The following MAST2 variants were observed in gnomAD, a reference collection of about 807,000 sequenced individuals.
MAST2 encodes microtubule-associated serine/threonine-protein kinase 2.
A neutral mutation model predicts 147.4 loss-of-function variants in MAST2; 70 were observed. The ratio of observed to expected loss-of-function variants is 0.47; its 90% CI spans 0.39 to 0.58. The LOEUF (loss-of-function observed/expected upper bound fraction) is 0.58, where lower values mean the gene tolerates loss of function less well. Among genes scored for constraint, MAST2 ranks in the 20% least tolerant of loss-of-function variants. The pLI, the probability that MAST2 is intolerant of heterozygous loss-of-function variation, is 0.00. For synonymous variants in MAST2, 869 were observed against 896.8 expected, an observed-to-expected ratio of 0.97 and a Z score of 0.55; for missense variants, 2,080 against 2,302.3, an observed-to-expected ratio of 0.90 and a Z score of 1.98.
intron 5 of MAST2, among the ~76,000 whole-genome samples, chr1:45,980,829 C>T (rs757638783): frequency 6.6e-6 from 1 of 152,128 alleles, no homozygotes; most frequent in Non-Finnish European, 1.5e-5. Context: ...AGCTACCATG[C>T]TGGCCCAGAA....
intron 10 of MAST2, among the ~76,000 whole-genome samples, chr1:46,019,020 G>T (rs79772105): frequency 1.5e-4 from 23 of 152,134 alleles, no homozygotes; most frequent in Admixed American, 1.3e-3. Flanking sequence ...GCCTTCTGTC[G>T]TGCTTCTTTC....
chr1:45,994,884 G>GCTGGAGT (rs2149138343), intron 5 of MAST2, among the ~76,000 whole-genome samples: 1 of 151,352 alleles, frequency 6.6e-6, no homozygotes, highest in African/African-American at 2.4e-5. Flanking sequence ...TGTCACCCAG[G>GCTGGAGT]CTGGAGTACA....
chr1:45,955,512 G>C (rs1659531622), intron 4 of MAST2, among the ~76,000 whole-genome samples: 1 of 152,134 alleles, frequency 6.6e-6, no homozygotes, highest in African/African-American at 2.4e-5. Flanking sequence ...AGTGCTAGGA[G>C]AAAAATATAT....
chr1:45,823,975 TAAAG>T lies in MAST2; in HGVS notation c.178-453_178-450del, dbSNP rs1644715231. 3.3e-5 allele frequency among the ~76,000 whole-genome samples: 5 copies of T among 152,362 alleles called. No individual in the cohort carries two copies. The South Asian group carries it at 1.0e-3, about 32-fold the overall frequency. ...GTATTTAGCTCCTCTTATAGGCATA[TAAAG>T]AAAGCTCTAATATTAATTTTAGCAT... On this transcript the variant is annotated intron_variant, in intron 1 of 28. Transcript: ENST00000361297.
intron 1 of MAST2, among the ~76,000 whole-genome samples, chr1:45,817,740 G>C (rs903377100): frequency 3.3e-5 from 5 of 152,184 alleles, no homozygotes; most frequent in African/African-American, 1.2e-4. Flanking sequence ...AAGATGAATT[G>C]ATCAAGAATA....
chr1:45,928,932 G>A (rs562808109), intron 4 of MAST2, among the ~76,000 whole-genome samples: 33 of 151,856 alleles, frequency 2.2e-4, no homozygotes, highest in Non-Finnish European at 3.1e-4. Context: ...TCCTTCAGAG[G>A]TTTTTTTCTG....
intron 4 of MAST2, among the ~76,000 whole-genome samples, chr1:45,886,760 C>A (rs927076165): frequency 6.6e-6 from 1 of 152,144 alleles, no homozygotes; most frequent in African/African-American, 2.4e-5. Context: ...TTTTCTTGCC[C>A]AATGCTATAG....
At chr1:46,015,382 A>G (rs1645892898) in intron 10 of MAST2, among the ~76,000 whole-genome samples, 1 of 152,246 alleles carries the variant, frequency 6.6e-6, no homozygotes, top group Non-Finnish European at 1.5e-5. Context: ...TAATGAATCC[A>G]GGAGCTGGTT....
intron 4 of MAST2, among the ~76,000 whole-genome samples, chr1:45,956,513 T>C (rs932826506): frequency 6.6e-6 from 1 of 152,208 alleles, no homozygotes; most frequent in Non-Finnish European, 1.5e-5. Context: ...TCTTCCCTTG[T>C]TATGGTCTAT....
Position 46,032,257 on chromosome 1 carries a change from T to A in MAST2, c.3267T>A (p.Ser1089=). 2.5e-6 allele frequency: 4 copies of A among 1,614,194 alleles called. No individual in the cohort carries two copies. The highest frequency in any genetic ancestry group is 2.5e-6 in the Non-Finnish European group (3 of 1,180,032). ...CCAACCCATCATCCCGGGACTCTTC[T>A]CCAAGCAGGGACTTCTTGCCAGCCC... ...QSSNPSSRDS[S]PSRDFLPALG... is the part of the protein sequence containing the mutation. Residue 1089 remains serine, a synonymous_variant, in exon 25 of 29, where the codon TCT becomes TCA. Transcript: ENST00000361297.
intron 1 of MAST2, among the ~76,000 whole-genome samples, chr1:45,819,252 CAAAA>C (rs35652191): frequency 4.4e-5 from 5 of 112,830 alleles, no homozygotes; most frequent in East Asian, 2.3e-4. Flanking sequence ...AAGTCTGTCT[CAAAA>C]AAAAAAAAAA....
intron 4 of MAST2, among the ~76,000 whole-genome samples, chr1:45,931,829 C>T (rs191978011): frequency 6.6e-6 from 1 of 152,078 alleles, no homozygotes; most frequent in Non-Finnish European, 1.5e-5. Context: ...GCTGGAAATA[C>T]AGGCATACAC....
At chr1:45,870,202 G>A (rs1646326364) in intron 3 of MAST2, among the ~76,000 whole-genome samples, 1 of 152,198 alleles carries the variant, frequency 6.6e-6, no homozygotes, top group Non-Finnish European at 1.5e-5. Flanking sequence ...GGGATTACAG[G>A]CATGAGCTAC....
At chr1:45,872,963 G>T (rs1242714257) in intron 3 of MAST2, among the ~76,000 whole-genome samples, 7 of 152,052 alleles carry the variant, frequency 4.6e-5, no homozygotes, top group African/African-American at 1.7e-4. Flanking sequence ...AGTTCTTTGG[G>T]AAATATCATC....
intron 6 of MAST2, among the ~76,000 whole-genome samples, chr1:46,000,405 G>A (rs1645228225): frequency 6.6e-6 from 1 of 152,196 alleles, no homozygotes; most frequent in African/African-American, 2.4e-5. Context: ...AGGATGAGAA[G>A]CAGCTGCCAT....
At chr1:46,029,341 G>A (rs1646542562) in intron 18 of MAST2, 125 bp from the exon 19 acceptor site, 1 of 695,288 alleles carries the variant, frequency 1.4e-6, no homozygotes, top group Non-Finnish European at 2.4e-6. Flanking sequence ...TCCCAGGCAA[G>A]GCTTTCAGGG....
chr1:45,891,310 A>G (rs908376775), intron 4 of MAST2, among the ~76,000 whole-genome samples: 1 of 152,068 alleles, frequency 6.6e-6, no homozygotes, highest in African/African-American at 2.4e-5. Context: ...TGGGCAATGT[A>G]GTGAGACCCT....
At chr1:45,879,259 A>G (rs376180169) in intron 3 of MAST2, among the ~76,000 whole-genome samples, 3 of 152,138 alleles carry the variant, frequency 2.0e-5, no homozygotes, top group East Asian at 3.8e-4. Flanking sequence ...TACTACCTCA[A>G]AATTAATTTT....
At chr1:45,943,182 T>C (rs1657559897) in intron 4 of MAST2, among the ~76,000 whole-genome samples, 1 of 152,140 alleles carries the variant, frequency 6.6e-6, no homozygotes, top group Non-Finnish European at 1.5e-5. Context: ...GGATGTAAAG[T>C]GTGTGCATGG....
Sources: gnomAD v4.1 joint callset for allele counts (sites outside exome capture counted in the v4.1 genomes callset) on GRCh38, gnomAD v4.1.1 for gene constraint, MANE v1.5 for transcripts, NCBI Gene and HGNC (gene_info 2026-07-23, HGNC 2026-07-21) for gene names.